WIZ: variants seen among roughly 807,000 people sequenced by gnomAD.
WIZ encodes the protein protein Wiz.
WIZ carries 25 observed loss-of-function variants against 140.2 expected under a neutral mutation model. That is an observed-to-expected ratio of 0.18 (90% CI 0.13 to 0.25). The LOEUF is 0.25. Among genes scored for constraint, WIZ ranks in the 10% least tolerant of loss-of-function variants. The probability of loss-of-function intolerance (pLI) is 1.00; values close to 1 mark genes in which losing one functional copy is unlikely to be tolerated. For synonymous variants in WIZ, 1,125 were observed against 1,154.3 expected (o/e 0.97, Z 0.51); for missense variants, 2,231 against 2,632.6 (o/e 0.85, Z 3.34).
chr19:15,423,940 TA>T, intron 12 of WIZ: 1 of 429,716 alleles, frequency 2.3e-6, no homozygotes, highest in Non-Finnish European at 4.1e-6. Flanking sequence ...GAAATTGAGG[TA>T]AGGAGCAGGT....
chr19:15,441,726 C>A (rs1000670034), intron 3 of WIZ, among the ~76,000 whole-genome samples: 2 of 152,198 alleles, frequency 1.3e-5, no homozygotes, highest in African/African-American at 4.8e-5. Context: ...GGTCACCTTT[C>A]TAAGCTCCAT....
chr19:15,426,835 GCAGGAATACACAGCTAA>G, intron 9 of WIZ, 130 bp downstream of exon 9: 1 of 899,270 alleles, frequency 1.1e-6, no homozygotes, highest in East Asian at 2.6e-5. Context: ...GGTCTGCATA[GCAGGAATACACAGCTAA>G]CCCTGTGTCC....
At position 15,436,895 on chromosome 19, in the gene WIZ, C is replaced by A; in HGVS notation, c.2651G>T (p.Ser884Ile). 6.2e-7 allele frequency: 1 copy of A among 1,612,880 alleles called. No individual in the cohort carries two copies. Among genetic ancestry groups the A allele is most frequent in the Non-Finnish European group, 8.5e-7 (1 of 1,179,544 alleles). Residue 884 changes from serine to isoleucine, a missense_variant, in exon 5 of 13, where the codon AGC becomes ATC. Physicochemically the swap from Ser to Ile is moderately radical, Grantham distance 142. Coordinates refer to ENST00000673675, the MANE Select transcript of WIZ (RefSeq NM_001371589.1). ...GCGGGGCCGACGGGAGGTCAGGAAG[C>A]TGCCAGGCGGACCCCCAGGCTCTCG... ...LGREPGGPPG[S>I]FLTSRRPRLP...
intron 2 of WIZ, 39 bp downstream of exon 2, chr19:15,448,064 C>A (rs1201605494): frequency 1.2e-6 from 2 of 1,608,346 alleles, no homozygotes; most frequent in African/African-American, 2.7e-5. Flanking sequence ...GGGGAATGGG[C>A]TGGATGCTCC....
At chr19:15,437,413 CAGCTCTTTGGG>C (rs1969557597) in intron 4 of WIZ, among the ~76,000 whole-genome samples, 1 of 152,242 alleles carries the variant, frequency 6.6e-6, no homozygotes, top group African/African-American at 2.4e-5. Context: ...CCTGTAATCC[CAGCTCTTTGGG>C]AGGCCAAGCG....
chr19:15,438,473 G>C, intron 4 of WIZ, 105 bp downstream of exon 4: 1 of 1,300,126 alleles, frequency 7.7e-7, no homozygotes. Flanking sequence ...CTCAGGAGCA[G>C]AGGCCCCAGT....
Position 15,439,364 on chromosome 19 carries a change from C to T in WIZ, c.1630G>A (p.Asp544Asn), listed in dbSNP as rs538174429. 1.8e-4 allele frequency: 273 copies of T among 1,534,060 alleles called. No homozygotes were observed. In the African/African-American group the frequency reaches 3.4e-3, roughly 19 times the overall value. Residue 544 changes from aspartate to asparagine, a missense_variant, in exon 4 of 13, where the codon GAC (aspartate) becomes AAC (asparagine). By Grantham distance (23) the Asp-to-Asn change is conservative. Coordinates refer to ENST00000673675, the MANE Select transcript of WIZ (RefSeq NM_001371589.1). The surrounding 1 kb of genome is among the most constrained non-coding windows in gnomAD (Gnocchi z 7.0). Reference protein sequence around the residue: ...PMWRENPAGYDPSLAFGPGCQ... With the variant: ...PMWRENPAGYNPSLAFGPGCQ... ...CCTGGGCCAAAGGCCAGGCTGGGGTCGTATCCAGCAGGGTTCTCCCGCCAC... is the reference window on the plus strand; with the variant it reads ...CCTGGGCCAAAGGCCAGGCTGGGGTTGTATCCAGCAGGGTTCTCCCGCCAC...
Position 15,424,614 on chromosome 19 carries a change from G to A in WIZ, c.5313C>T (p.Asn1771=). The A allele has an allele frequency of 6.3e-7, 1 of 1,590,788 alleles. No individual in the cohort carries two copies. Among genetic ancestry groups the A allele is most frequent in the Non-Finnish European group, 8.5e-7 (1 of 1,176,982 alleles). Residue 1771 remains asparagine, a splice_region_variant and synonymous_variant, in exon 11 of 13, where the codon AAC becomes AAT. Transcript: ENST00000673675. This position sits in a 1 kb window ranked among gnomAD's most constrained non-coding sequence, Gnocchi z 9.7. ...GACCCTCCTCCACCAAGCACTCACT[G>A]TTGATGTTCTGCCGCTGGTGCTCCT... is the stretch of plus-strand genomic sequence containing the variant. ...KAEEHQRQNI[N]KFERRQARPP...
chr19:15,446,832 G>T (rs1189603189), intron 2 of WIZ, among the ~76,000 whole-genome samples: 5 of 152,248 alleles, frequency 3.3e-5, no homozygotes, highest in African/African-American at 1.2e-4. Context: ...AGCGAGGATG[G>T]TGTGTGCTCA....
At position 15,448,324 on chromosome 19, in the gene WIZ, G is replaced by C; in HGVS notation, c.-17C>G. On this transcript the variant is annotated 5_prime_UTR_variant, in exon 2 of 13. Transcript: ENST00000673675. ...CCCCTCCATCGGATTTTCTCTGCTTGGATCCACTCAGCTGCTGCACCGGCT... is the reference window on the plus strand; with the variant it reads ...CCCCTCCATCGGATTTTCTCTGCTTCGATCCACTCAGCTGCTGCACCGGCT... 2 of 1,609,996 alleles carry C rather than the reference G, an allele frequency of 1.2e-6. No individual in the cohort carries two copies. The highest frequency in any genetic ancestry group is 1.7e-6 in the Non-Finnish European group (2 of 1,179,784).
rs887898 is a variant in WIZ, at chr19:15,428,628, A to G, written c.3416-120T>C. 904,603 of 1,182,998 alleles carry G rather than the reference A, an allele frequency of 0.76. 348,054 individuals carry two copies. The highest frequency in any genetic ancestry group is 0.99 in the East Asian group (38,851 of 39,118). 73.3% of individuals were successfully genotyped at this position (1,182,998 alleles called of 1,614,324 possible). ...CAGGCAGTTGGGGGGTCCAAGACTC[A>G]GGCCGCAGATTTCTTTTGAAGTTTG... On this transcript the variant is annotated intron_variant, in intron 7 of 12. Coordinates refer to ENST00000673675, the MANE Select transcript of WIZ (RefSeq NM_001371589.1). This position sits in a 1 kb window ranked among gnomAD's most constrained non-coding sequence, Gnocchi z 6.4.
Position 15,429,646 on chromosome 19 carries a change from G to A in WIZ, c.3355C>T (p.Arg1119Trp), listed in dbSNP as rs2145273010. The A allele has an allele frequency of 4.2e-6, 6 of 1,417,012 alleles. No individual in the cohort carries two copies. The highest frequency in any genetic ancestry group is 5.2e-5 in the East Asian group (2 of 38,406). 87.8% of individuals were successfully genotyped at this position (1,417,012 alleles called of 1,614,324 possible). Residue 1119 changes from arginine to tryptophan, a missense_variant, in exon 7 of 13, where the codon CGG (arginine) becomes TGG (tryptophan). Physicochemically the swap from Arg to Trp is moderately radical, Grantham distance 101. Coordinates refer to ENST00000673675, the MANE Select transcript of WIZ (RefSeq NM_001371589.1). ...CACTGTGCCTTTGGGGAGGCCGGCC[G>A]GGGGCTCAGGGACAGCTGGGGGCTC... ...DKSPQLSLSP[R>W]PASPKAQWPQ... is the part of the protein sequence containing the mutation.
chr19:15,446,660 C>G (rs2145412109), intron 2 of WIZ, among the ~76,000 whole-genome samples: 1 of 152,338 alleles, frequency 6.6e-6, no homozygotes, highest in South Asian at 2.1e-4. Flanking sequence ...TGTCCCTCAT[C>G]CTACCTCTCA....
chr19:15,424,457 T>C lies in WIZ; in HGVS notation c.5315-79A>G. 6.5e-7 allele frequency: 1 copy of C among 1,545,448 alleles called. No individual in the cohort carries two copies. Among genetic ancestry groups the C allele is most frequent in the Non-Finnish European group, 8.8e-7 (1 of 1,142,652 alleles). ...CTTGGAATACACAAGAGCTGAGGAC[T>C]GATGCTACCTGGATGGGTGGGATGG... On this transcript the variant is annotated intron_variant, in intron 11 of 12. Transcript: ENST00000673675. This position sits in a 1 kb window ranked among gnomAD's most constrained non-coding sequence, Gnocchi z 9.7.
rs1352659945 is a variant in WIZ at position 15,427,607 on chromosome 19, C to T, written c.3815-74G>A. On this transcript the variant is annotated intron_variant, in intron 8 of 12. Coordinates refer to ENST00000673675, the MANE Select transcript of WIZ (RefSeq NM_001371589.1). The surrounding 1 kb of genome is among the most constrained non-coding windows in gnomAD (Gnocchi z 6.4). ...TGGTCACCTGCAGGAGTGTCCTGGT[C>T]GGCTGGGCGTGGGCGGCAGCAGCAC... 17 of 1,499,166 alleles carry T rather than the reference C, an allele frequency of 1.1e-5. No individual in the cohort carries two copies. The East Asian group carries it at 1.2e-4, about 10-fold the overall frequency. The allele number at this position is 1,499,166 out of a possible 1,614,324, so 92.9% of individuals were successfully genotyped here.
rs1968944954 is a variant in WIZ, at chr19:15,427,808, G to A, written c.3815-275C>T. ...CTCTGTGGGTCCCAACAAGGACAGGGTGAGGCAGGGAGGCAGCCTAGGTGC... is the reference window on the plus strand; with the variant it reads ...CTCTGTGGGTCCCAACAAGGACAGGATGAGGCAGGGAGGCAGCCTAGGTGC... On this transcript the variant is annotated intron_variant, in intron 8 of 12. Coordinates refer to ENST00000673675, the MANE Select transcript of WIZ (RefSeq NM_001371589.1). This position sits in a 1 kb window ranked among gnomAD's most constrained non-coding sequence, Gnocchi z 6.4. Among the ~76,000 whole-genome samples the A allele has an allele frequency of 6.6e-6, 1 of 152,172 alleles. No individual in the cohort carries two copies. The highest frequency in any genetic ancestry group is 2.1e-4 in the South Asian group (1 of 4,836).
Position 15,422,845 on chromosome 19 carries a change from C to T in WIZ, c.*231G>A. 4 of 595,742 alleles carry T rather than the reference C, an allele frequency of 6.7e-6. No individual in the cohort carries two copies. The highest frequency in any genetic ancestry group is 1.2e-5 in the Non-Finnish European group (4 of 346,778). The allele number at this position is 595,742 out of a possible 1,614,324, so 36.9% of individuals were successfully genotyped here. ...TGCTGCCCCTGCTGGACCAGGTGGG[C>T]ATGGGCTGAAGGAAGACACCCTGTG... On this transcript the variant is annotated 3_prime_UTR_variant, in exon 13 of 13. Transcript: ENST00000673675.
At position 15,424,745 on chromosome 19, in the gene WIZ, C is replaced by G. The variant is rs760221805; in HGVS notation, c.5182G>C (p.Val1728Leu). Reference protein sequence around the residue: ...SLGLAPGGLAVVGRSAGGEPG... With the variant: ...SLGLAPGGLALVGRSAGGEPG... ...TCCCCTCCGGCACTGCGGCCGACCA[C>G]GGCCAGGCCCCCGGGTGCCAGCCCC... The change falls in exon 11 of 13, where the codon GTG becomes CTG. Residue 1728 changes from valine (V) to leucine (L), a missense_variant. Val to Leu is a conservative substitution (Grantham distance 32). Coordinates refer to ENST00000673675, the MANE Select transcript of WIZ (RefSeq NM_001371589.1). The surrounding 1 kb of genome is among the most constrained non-coding windows in gnomAD (Gnocchi z 9.7). The G allele has an allele frequency of 6.4e-7, 1 of 1,570,024 alleles. No individual in the cohort carries two copies. The highest frequency in any genetic ancestry group is 1.2e-5 in the South Asian group (1 of 86,534).
chr19:15,429,537 G>C (rs1435963204), intron 7 of WIZ, 49 bp downstream of exon 7: 2 of 952,062 alleles, frequency 2.1e-6, no homozygotes, highest in Non-Finnish European at 2.6e-6. Flanking sequence ...CTGAGGTCCC[G>C]ACCCTCCCAG....
Sources: allele counts gnomAD v4.1 joint callset (sites outside exome capture counted in the v4.1 genomes callset), GRCh38; gene constraint gnomAD v4.1.1; non-coding constraint Gnocchi (gnomAD v3.1); transcripts MANE v1.5; gene names NCBI Gene and HGNC (gene_info 2026-07-23, HGNC 2026-07-21).